The following PPM1K variants were observed in gnomAD, a reference collection of about 807,000 sequenced individuals.
PPM1K encodes protein phosphatase, Mg2+/Mn2+ dependent 1K, also known as protein phosphatase Mn(2+)-dependent 1K.
Under a neutral mutation model 32.6 loss-of-function variants are expected in PPM1K, and 19 were observed. The observed-to-expected ratio is 0.58, with a 90% CI of 0.41 to 0.86. The LOEUF (loss-of-function observed/expected upper bound fraction) is 0.86, where lower values mean the gene tolerates loss of function less well. Among genes scored for constraint, PPM1K ranks in the 40% least tolerant of loss-of-function variants. The pLI, the probability that PPM1K is intolerant of heterozygous loss-of-function variation, is 0.00. For missense variants in PPM1K, 362 were observed against 461.2 expected (o/e 0.78, Z 1.97); for synonymous variants, 159 against 165.3 (o/e 0.96, Z 0.29).
chr4:88,275,997 G>C (rs573454104), intron 3 of PPM1K: 5 of 985,372 alleles, frequency 5.1e-6, no homozygotes, highest in Admixed American at 6.1e-5. Context: ...AGAGTGGACT[G>C]TAATGCTTTC....
At chr4:88,273,821 A>G (rs1731658196) in intron 3 of PPM1K, among the ~76,000 whole-genome samples, 1 of 152,200 alleles carries the variant, frequency 6.6e-6, no homozygotes, top group Admixed American at 6.5e-5. Context: ...CTGCATAATA[A>G]AAGATTAGGG....
rs1731039001 is a variant in PPM1K, at chr4:88,259,392, G to A, written c.*3203C>T. ...ACTTGTGGAAAATCACAATGACAAT[G>A]AATATTTCACCAAATAGATGGTGGC... On this transcript the variant is annotated 3_prime_UTR_variant, in exon 7 of 7. Transcript: ENST00000608933. The A allele has an allele frequency of 6.6e-6, 1 of 152,100 alleles. No homozygotes were observed. The highest frequency in any genetic ancestry group is 1.5e-5 in the Non-Finnish European group (1 of 68,020). The allele number at this position is 152,100 out of a possible 1,614,324, so 9.4% of individuals were successfully genotyped here.
At chr4:88,267,084 T>C (rs1174706076) in intron 5 of PPM1K, among the ~76,000 whole-genome samples, 7 of 121,694 alleles carry the variant, frequency 5.8e-5, no homozygotes, top group Non-Finnish European at 8.4e-5. Context: ...GTGATGCTGA[T>C]TGGATGCAGG....
chr4:88,260,650 T>A lies in PPM1K; in HGVS notation c.*1945A>T, dbSNP rs115434128. On this transcript the variant is annotated 3_prime_UTR_variant, in exon 7 of 7. Transcript: ENST00000608933. ...TTCAAAGGGCAATTCCTGATTAATA[T>A]AGGCAGAAAAACTCAAGATTTATCT... The A allele has an allele frequency of 2.6e-5, 4 of 151,994 alleles. No individual in the cohort carries two copies. Among genetic ancestry groups the A allele is most frequent in the African/African-American group, 9.7e-5 (4 of 41,350 alleles). The allele number at this position is 151,994 out of a possible 1,614,324, so 9.4% of individuals were successfully genotyped here. A position where few individuals can be genotyped will look rare whatever the true frequency, so the allele number is the denominator to read the frequency against.
Position 88,283,958 on chromosome 4 carries a change from G to C in PPM1K, c.-60+448C>G, listed in dbSNP as rs369136250. ...ACCTCCCTCTGGGCGTACCGAGCCC[G>C]TTGTCGCCACGTTTCCCTCGCCCGG... On this transcript the variant is annotated intron_variant, in intron 1 of 6. Transcript: ENST00000608933. 2.0e-5 allele frequency: 3 copies of C among 152,300 alleles called. No individual in the cohort carries two copies. The East Asian group carries it at 5.8e-4, about 29-fold the overall frequency. 9.4% of individuals were successfully genotyped at this position (152,300 alleles called of 1,614,324 possible).
At chr4:88,273,960 T>C (rs1731665678) in intron 3 of PPM1K, among the ~76,000 whole-genome samples, 1 of 152,166 alleles carries the variant, frequency 6.6e-6, no homozygotes, top group African/African-American at 2.4e-5. Context: ...AGACACTGCC[T>C]CCTCAAGTTC....
chr4:88,263,016 T>C (rs771210392), intron 6 of PPM1K, among the ~76,000 whole-genome samples: 8 of 152,186 alleles, frequency 5.3e-5, no homozygotes, highest in South Asian at 2.1e-4. Flanking sequence ...CTAAGGGGCA[T>C]TGGTATGCAG....
rs1369609530 is a variant in PPM1K at position 88,278,523 on chromosome 4, C to T, written c.61G>A (p.Val21Met). The T allele has an allele frequency of 4.3e-6, 7 of 1,614,016 alleles. No homozygotes were observed. In the East Asian group the frequency reaches 8.9e-5, roughly 21 times the overall value. The change falls in exon 2 of 7, where the codon GTG (valine) becomes ATG (methionine). Residue 21 changes from valine (V) to methionine (M), a missense_variant. Val to Met is a conservative substitution (Grantham distance 21, BLOSUM62 1). Transcript: ENST00000608933. This position sits in a 1 kb window ranked among gnomAD's most constrained non-coding sequence, Gnocchi z 4.2. ...TGCAGCAGGCGGGAGCTTAGCAGCACTCTCCTTCTCACCTGGTTCCCACCA... is the reference window on the plus strand; with the variant it reads ...TGCAGCAGGCGGGAGCTTAGCAGCATTCTCCTTCTCACCTGGTTCCCACCA... ...RSGGNQVRRR[V>M]LLSSRLLQDD...
Position 88,258,954 on chromosome 4 carries a change from GCGGA to G in PPM1K, c.*3637_*3640del, listed in dbSNP as rs1412733689. The G allele has an allele frequency of 6.6e-6, 1 of 152,048 alleles. No homozygotes were observed. The highest frequency in any genetic ancestry group is 1.5e-5 in the Non-Finnish European group (1 of 68,076). 9.4% of individuals were successfully genotyped at this position (152,048 alleles called of 1,614,324 possible). A position where few individuals can be genotyped will look rare whatever the true frequency, so the allele number is the denominator to read the frequency against. On this transcript the variant is annotated 3_prime_UTR_variant, in exon 7 of 7. Transcript: ENST00000608933. ...ACAAAAAAATTAGCCGGGCACGGTG[GCGGA>G]CGCCTGTAATTCCAGCTACTCGGGA...
chr4:88,272,573 G>C lies in PPM1K; in HGVS notation c.542-3667C>G, dbSNP rs191468908. On this transcript the variant is annotated intron_variant, in intron 3 of 6. Transcript: ENST00000608933. ...AAGTGGCTATCTCTTTATAAACAACGGACTGGTGGGATATCATCCGGATTT... is the reference window on the plus strand; with the variant it reads ...AAGTGGCTATCTCTTTATAAACAACCGACTGGTGGGATATCATCCGGATTT... Among the ~76,000 whole-genome samples, 16 of 152,144 alleles carry C rather than the reference G, an allele frequency of 1.1e-4. No individual in the cohort carries two copies. In the South Asian group the frequency reaches 1.9e-3, roughly 18 times the overall value.
At chr4:88,267,977 AG>A (rs1731402285) in intron 5 of PPM1K, among the ~76,000 whole-genome samples, 1 of 152,250 alleles carries the variant, frequency 6.6e-6, no homozygotes, top group Non-Finnish European at 1.5e-5. Context: ...GAACCTAAAA[AG>A]GGGGAAAAAG....
intron 6 of PPM1K, 134 bp downstream of exon 6, chr4:88,264,866 TA>T (rs1170321973): frequency 2.1e-6 from 2 of 970,922 alleles, no homozygotes; most frequent in Non-Finnish European, 2.9e-6. Context: ...CTTGGGGAAA[TA>T]AAAATTTTAT....
In PPM1K at chr4:88,268,919, TGA is replaced by T; in HGVS notation, c.542-15_542-14del. On this transcript the variant is annotated splice_polypyrimidine_tract_variant and intron_variant, in intron 3 of 6. Transcript: ENST00000608933. ...GTCAGAAGAGTTGCTACAAGTATTATGAAAAAAAGAGTACAAGTTAGTGACAG... is the reference window on the plus strand; with the variant it reads ...GTCAGAAGAGTTGCTACAAGTATTATAAAAAAGAGTACAAGTTAGTGACAG... 1.3e-6 allele frequency: 2 copies of T among 1,585,340 alleles called. No individual in the cohort carries two copies. The highest frequency in any genetic ancestry group is 1.7e-6 in the Non-Finnish European group (2 of 1,168,484).
rs1038319219 is a variant in PPM1K, at chr4:88,260,121, G to C, written c.*2474C>G. On this transcript the variant is annotated 3_prime_UTR_variant, in exon 7 of 7. Transcript: ENST00000608933. ...GGCTGGAGTGCAATGGCGCGATCTC[G>C]ACTCACTGCAACCTCCGCCTCCCAG... 1 of 152,208 alleles carries C rather than the reference G, an allele frequency of 6.6e-6. No individual in the cohort carries two copies. Among genetic ancestry groups the C allele is most frequent in the Non-Finnish European group, 1.5e-5 (1 of 68,100 alleles). The allele number at this position is 152,208 out of a possible 1,614,324, so 9.4% of individuals were successfully genotyped here.
intron 6 of PPM1K, 92 bp from the exon 7 acceptor site, chr4:88,262,818 T>G: frequency 7.0e-7 from 1 of 1,428,176 alleles, no homozygotes; most frequent in Non-Finnish European, 9.3e-7. Context: ...GAAATACGCT[T>G]CCCCTAGAAA....
Position 88,259,613 on chromosome 4 carries a change from C to T in PPM1K, c.*2982G>A, listed in dbSNP as rs917526104. On this transcript the variant is annotated 3_prime_UTR_variant, in exon 7 of 7. Coordinates refer to ENST00000608933, the MANE Select transcript of PPM1K (RefSeq NM_152542.5). ...CTATGATTTGCATATTTTCCAGTATCCTAATACATGCATACTTATCTTTTA... is the reference window on the plus strand; with the variant it reads ...CTATGATTTGCATATTTTCCAGTATTCTAATACATGCATACTTATCTTTTA... 1.3e-5 allele frequency: 2 copies of T among 152,038 alleles called. No individual in the cohort carries two copies. The highest frequency in any genetic ancestry group is 2.9e-5 in the Non-Finnish European group (2 of 68,028). The allele number at this position is 152,038 out of a possible 1,614,324, so 9.4% of individuals were successfully genotyped here.
At chr4:88,282,745 G>A (rs1732065380) in intron 1 of PPM1K, among the ~76,000 whole-genome samples, 1 of 152,224 alleles carries the variant, frequency 6.6e-6, no homozygotes, top group East Asian at 1.9e-4. Context: ...AGAAAAGTGT[G>A]AAATGTGAGC....
chr4:88,264,090 G>A (rs1578310846), intron 6 of PPM1K, among the ~76,000 whole-genome samples: 1 of 152,178 alleles, frequency 6.6e-6, no homozygotes, highest in African/African-American at 2.4e-5. Context: ...GGAAAGAAGT[G>A]TTCATCCATG....
At position 88,260,459 on chromosome 4, in the gene PPM1K, G is replaced by C. The variant is rs1355151777; in HGVS notation, c.*2136C>G. ...GGTAGCTTCCACATTTCTGTTCCAA[G>C]AACTGATTAGAAAAAGCAAGATGGT... On this transcript the variant is annotated 3_prime_UTR_variant, in exon 7 of 7. Coordinates refer to ENST00000608933, the MANE Select transcript of PPM1K (RefSeq NM_152542.5). 1 of 152,066 alleles carries C rather than the reference G, an allele frequency of 6.6e-6. No individual in the cohort carries two copies. The highest frequency in any genetic ancestry group is 1.5e-5 in the Non-Finnish European group (1 of 68,022). The allele number at this position is 152,066 out of a possible 1,614,324, so 9.4% of individuals were successfully genotyped here. A position where few individuals can be genotyped will look rare whatever the true frequency, so the allele number is the denominator to read the frequency against.
Sources: gnomAD v4.1 joint callset for allele counts (sites outside exome capture counted in the v4.1 genomes callset) on GRCh38, gnomAD v4.1.1 for gene constraint, Gnocchi (gnomAD v3.1) non-coding constraint, MANE v1.5 for transcripts, NCBI Gene and HGNC (gene_info 2026-07-23, HGNC 2026-07-21) for gene names.